The following CCNY variants were observed in gnomAD, a reference collection of about 807,000 sequenced individuals.
The protein encoded by CCNY is cyclin Y, also known as cyclin-Y.
In CCNY, 19 loss-of-function variants were observed where a neutral mutation model predicts 42.8. The ratio of observed to expected loss-of-function variants is 0.44; its 90% confidence interval spans 0.31 to 0.65. The LOEUF (loss-of-function observed/expected upper bound fraction) is 0.65. Ranked by LOEUF, CCNY falls within the 30% of genes least tolerant of loss-of-function variation. The pLI is 0.07. For missense variants in CCNY, 370 were observed against 437.3 expected (o/e 0.85, Z 1.37); for synonymous variants, 165 against 162.7 (o/e 1.01, Z -0.11).
chr10:35,499,395 C>T (rs1357814888), intron 2 of CCNY, among the ~76,000 whole-genome samples: 1 of 152,122 alleles, frequency 6.6e-6, no homozygotes, highest in Non-Finnish European at 1.5e-5. Flanking sequence ...ATGGGAAAGA[C>T]CTGCCCCCAT....
chr10:35,406,944 T>G (rs1837792388), intron 1 of CCNY, among the ~76,000 whole-genome samples: 1 of 151,926 alleles, frequency 6.6e-6, no homozygotes, highest in African/African-American at 2.4e-5. Flanking sequence ...CGGGAGCGGA[T>G]TGGGTAATAA....
Position 35,569,139 on chromosome 10 carries a change from T to C in CCNY, c.995T>C (p.Leu332Pro). ...KRSASADNLT[L>P]PRWSPAIIS ...TCAGCCAGTGCAGACAACCTGACTC[T>C]GCCCCGGTGGTCCCCAGCCATCATC... The change falls in exon 10 of 10, where the codon CTG becomes CCG. Residue 332 changes from leucine (L) to proline (P), a missense_variant. By Grantham distance (98) the Leu-to-Pro change is moderately conservative. Around this residue, in one of 2 missense-constraint regions of CCNY, gnomAD observed 234 missense variants for 313.1 expected, o/e 0.75. Coordinates refer to ENST00000374704, the MANE Select transcript of CCNY (RefSeq NM_145012.6). 1 of 1,611,910 alleles carries C rather than the reference T, an allele frequency of 6.2e-7. No homozygotes were observed. The highest frequency in any genetic ancestry group is 8.5e-7 in the Non-Finnish European group (1 of 1,179,406).
chr10:35,345,025 G>A (rs1293169287), intron 1 of CCNY, among the ~76,000 whole-genome samples: 3 of 152,062 alleles, frequency 2.0e-5, no homozygotes, highest in African/African-American at 4.8e-5. Flanking sequence ...GAATAGTGCC[G>A]CAATAAACAT....
chr10:35,423,752 T>G (rs1838208959), intron 1 of CCNY, among the ~76,000 whole-genome samples: 1 of 152,250 alleles, frequency 6.6e-6, no homozygotes, highest in African/African-American at 2.4e-5. Flanking sequence ...ATTAGGTAAG[T>G]GATTAAAAAT....
At chr10:35,499,177 A>T (rs1329962597) in intron 2 of CCNY, among the ~76,000 whole-genome samples, 1 of 152,056 alleles carries the variant, frequency 6.6e-6, no homozygotes, top group Non-Finnish European at 1.5e-5. Flanking sequence ...CACACTGCTG[A>T]TAAAGATATA....
intron 1 of CCNY, among the ~76,000 whole-genome samples, chr10:35,480,245 T>C: frequency 6.6e-6 from 1 of 152,170 alleles, no homozygotes; most frequent in East Asian, 1.9e-4. Context: ...CTTAGAGTTA[T>C]AACTTGGCCA....
chr10:35,273,128 G>A (rs547673110), intron 3 of CCNY, among the ~76,000 whole-genome samples: 28 of 151,384 alleles, frequency 1.8e-4, no homozygotes, highest in Non-Finnish European at 3.4e-4. Flanking sequence ...TCTCTTTCCC[G>A]TTCTCCTAAA....
intron 3 of CCNY, among the ~76,000 whole-genome samples, chr10:35,502,749 CTT>C (rs1010900139): frequency 6.9e-6 from 1 of 145,420 alleles, no homozygotes; most frequent in African/African-American, 2.5e-5. Flanking sequence ...ATTGCCATGC[CTT>C]TTTTTTTTTG....
chr10:35,328,992 A>C (rs946407172), intron 3 of CCNY, among the ~76,000 whole-genome samples: 2 of 152,248 alleles, frequency 1.3e-5, no homozygotes, highest in Non-Finnish European at 2.9e-5. Context: ...ATCATAATAC[A>C]TCTTGATAAG....
At chr10:35,363,462 C>T (rs1232314074) in intron 1 of CCNY, among the ~76,000 whole-genome samples, 3 of 151,962 alleles carry the variant, frequency 2.0e-5, no homozygotes, top group Admixed American at 6.6e-5. Context: ...TCTTCCCAGA[C>T]GGTGGGGCGG....
chr10:35,465,961 CTGTG>C lies in CCNY; in HGVS notation c.155-17427_155-17424del, dbSNP rs68166048. On this transcript the variant is annotated intron_variant, in intron 1 of 9. Coordinates refer to ENST00000374704, the MANE Select transcript of CCNY (RefSeq NM_145012.6). ...AGAGTGTGTGTGTGTGTGTGTGTGT[CTGTG>C]TGTGTGTGTGTGTGTCTGTGTTTGC... Among the ~76,000 whole-genome samples the C allele has an allele frequency of 3.7e-4, 35 of 94,680 alleles. 1 individual carries two copies. The highest frequency in any genetic ancestry group is 1.5e-3 in the Admixed American group (14 of 9,054). The allele number at this position is 94,680 out of a possible 152,430, so 62.1% of individuals were successfully genotyped here.
At position 35,337,015 on chromosome 10, in the gene CCNY, GAGAA is replaced by G. The variant is rs1220062885; in HGVS notation, c.-38_-35del. 1.4e-6 allele frequency: 2 copies of G among 1,421,452 alleles called. No homozygotes were observed. The highest frequency in any genetic ancestry group is 1.9e-4 in the Middle Eastern group (1 of 5,356). 88.1% of individuals were successfully genotyped at this position (1,421,452 alleles called of 1,614,324 possible). ...CCCGCGCCCCGCTCCCGGGGACTGG[GAGAA>G]CAGGATAGCAGCAGGAGTCGGGGGG... On this transcript the variant is annotated 5_prime_UTR_variant, in exon 1 of 10. Coordinates refer to ENST00000374704, the MANE Select transcript of CCNY (RefSeq NM_145012.6).
rs990006243 is a variant in CCNY, at chr10:35,571,896, CAAAT to C, written c.*2730_*2733del. 31 of 151,982 alleles carry C rather than the reference CAAAT, an allele frequency of 2.0e-4. No individual in the cohort carries two copies. The highest frequency in any genetic ancestry group is 6.2e-4 in the South Asian group (3 of 4,804). The allele number at this position is 151,982 out of a possible 1,614,324, so 9.4% of individuals were successfully genotyped here. ...TTAATTTTATATTTGATTTAAACAA[CAAAT>C]AAAGTCATTGGGACAATAAATATAT... On this transcript the variant is annotated 3_prime_UTR_variant, in exon 10 of 10. Coordinates refer to ENST00000374704, the MANE Select transcript of CCNY (RefSeq NM_145012.6).
intron 3 of CCNY, among the ~76,000 whole-genome samples, chr10:35,312,052 A>G (rs2135086446): frequency 6.6e-6 from 1 of 151,930 alleles, no homozygotes; most frequent in South Asian, 2.1e-4. Flanking sequence ...TTTACCTTGC[A>G]CTTGACTAAG....
At chr10:35,529,496 A>G (rs549410096) in intron 5 of CCNY, among the ~76,000 whole-genome samples, 1 of 152,338 alleles carries the variant, frequency 6.6e-6, no homozygotes, top group South Asian at 2.1e-4. Flanking sequence ...TTTAATCATA[A>G]GTGATTAAGT....
chr10:35,304,860 T>C (rs956187953), intron 3 of CCNY, among the ~76,000 whole-genome samples: 1 of 152,170 alleles, frequency 6.6e-6, no homozygotes, highest in African/African-American at 2.4e-5. Flanking sequence ...GGGGGAGTGC[T>C]GAGCCTCAAG....
intron 2 of CCNY, among the ~76,000 whole-genome samples, chr10:35,499,679 A>AC (rs1840072210): frequency 6.6e-6 from 1 of 152,148 alleles, no homozygotes; most frequent in African/African-American, 2.4e-5. Context: ...TGACCTTAGT[A>AC]TGGGTGGTGG....
chr10:35,293,431 T>C (rs557257531), intron 3 of CCNY, among the ~76,000 whole-genome samples: 10 of 152,302 alleles, frequency 6.6e-5, no homozygotes, highest in African/African-American at 2.4e-4. Context: ...TTCCAGATCA[T>C]TTTAGCTAAT....
chr10:35,552,225 T>C (rs1278953533), intron 7 of CCNY, among the ~76,000 whole-genome samples: 1 of 152,184 alleles, frequency 6.6e-6, no homozygotes, highest in Non-Finnish European at 1.5e-5. Context: ...ACAACATGGG[T>C]GAACCTTGAG....
Sources: gnomAD v4.1 joint callset for allele counts (sites outside exome capture counted in the v4.1 genomes callset) on GRCh38, gnomAD v4.1.1 for gene constraint, gnomAD v4.1.1 regional missense constraint, MANE v1.5 for transcripts, NCBI Gene and HGNC (gene_info 2026-07-23, HGNC 2026-07-21) for gene names.